IGFN1: variants seen among roughly 807,000 people sequenced by gnomAD.
IGFN1 encodes immunoglobulin like and fibronectin type III domain containing 1, also known as immunoglobulin-like and fibronectin type III domain-containing protein 1.
A neutral mutation model predicts 289.5 loss-of-function variants in IGFN1; 253 were observed. The observed-to-expected ratio is 0.87, with a 90% CI of 0.79 to 0.97. The LOEUF (loss-of-function observed/expected upper bound fraction) is 0.97. IGFN1 is among the 50% of genes least tolerant of loss of function. The pLI, the probability that IGFN1 is intolerant of heterozygous loss-of-function variation, is 0.00. For synonymous variants in IGFN1, 1,706 were observed against 1,788.5 expected, an observed-to-expected ratio of 0.95 and a Z score of 1.16; for missense variants, 4,470 against 4,686.1, an observed-to-expected ratio of 0.95 and a Z score of 1.35.
In IGFN1 at chr1:201,224,868, G is replaced by A; in HGVS notation, c.10480G>A (p.Val3494Met). 6.2e-7 allele frequency: 1 copy of A among 1,612,564 alleles called. No homozygotes were observed. ...GGTTGCCCACAGCTTCCGTATCAGGGTGGCAGGTGAGGCAGGCCTTGCTCT... is the reference window on the plus strand; with the variant it reads ...GGTTGCCCACAGCTTCCGTATCAGGATGGCAGGTGAGGCAGGCCTTGCTCT... The part of the protein sequence containing the change: ...KEVAHSFRIR[V>M]AACPQAPGPI... Residue 3494 changes from valine to methionine, a missense_variant, in exon 21 of 24, where the codon GTG (valine) becomes ATG (methionine). By Grantham distance (21) the Val-to-Met change is conservative. This residue lies in a region of IGFN1 where 2,218 missense variants were observed against 2,114.1 expected (regional missense o/e 1.05). Coordinates refer to ENST00000335211, the MANE Select transcript of IGFN1 (RefSeq NM_001164586.2).
chr1:201,227,390 C>T (rs551229332), intron 23 of IGFN1, among the ~76,000 whole-genome samples, 182 bp downstream of exon 23: 6 of 151,262 alleles, frequency 4.0e-5, no homozygotes, highest in African/African-American at 1.2e-4. Flanking sequence ...CACATGTGGT[C>T]TTTATTTGCC....
intron 7 of IGFN1, 117 bp from the exon 8 acceptor site, chr1:201,200,120 C>T (rs551781728): frequency 2.7e-5 from 21 of 776,872 alleles, no homozygotes; most frequent in Middle Eastern, 6.8e-4. Context: ...CCAGGCTCTG[C>T]GTTTCCTCGA....
intron 9 of IGFN1, among the ~76,000 whole-genome samples, chr1:201,202,320 A>G (rs1042944142): frequency 6.6e-6 from 1 of 152,204 alleles, no homozygotes; most frequent in Non-Finnish European, 1.5e-5. Context: ...CAAGATACTT[A>G]TCTTCCCCAT....
In IGFN1 at chr1:201,212,577, G is replaced by C. The variant is rs1433223594; in HGVS notation, c.7684G>C (p.Asp2562His). ...DIWKAGPGMT[D>H]RGRVAGQGGL... Reference sequence around the variant, plus strand: ...CTGGAAAGCAGGCCCAGGAATGACAGACAGGGGTAGAGTTGCTGGCCAGGG... The same window carrying C: ...CTGGAAAGCAGGCCCAGGAATGACACACAGGGGTAGAGTTGCTGGCCAGGG... Residue 2562 changes from aspartate (D) to histidine (H), a missense_variant, in exon 12 of 24, where the codon GAC (aspartate) becomes CAC (histidine). Asp to His is a moderately conservative substitution (Grantham distance 81). Around this residue, in one of 8 missense-constraint regions of IGFN1, gnomAD observed 2,218 missense variants for 2,114.1 expected, o/e 1.05. Transcript: ENST00000335211. 1 of 1,549,820 alleles carries C rather than the reference G, an allele frequency of 6.5e-7. No individual in the cohort carries two copies. Among genetic ancestry groups the C allele is most frequent in the East Asian group, 2.4e-5 (1 of 40,928 alleles).
Position 201,209,227 on chromosome 1 carries a change from G to T in IGFN1, c.4334G>T (p.Gly1445Val). 1 of 1,487,194 alleles carries T rather than the reference G, an allele frequency of 6.7e-7. No individual in the cohort carries two copies. The highest frequency in any genetic ancestry group is 8.9e-7 in the Non-Finnish European group (1 of 1,128,376). The allele number at this position is 1,487,194 out of a possible 1,614,324, so 92.1% of individuals were successfully genotyped here. A position where few individuals can be genotyped will look rare whatever the true frequency, so the allele number is the denominator to read the frequency against. The change falls in exon 12 of 24, where the codon GGC becomes GTC. Residue 1445 changes from glycine (G) to valine (V), a missense_variant. By Grantham distance (109) the Gly-to-Val change is moderately radical. This residue lies in a region of IGFN1 where 2,011 missense variants were observed against 1,953.4 expected (regional missense o/e 1.03). Transcript: ENST00000335211. The stretch of plus-strand genomic sequence containing the variant: ...GGGAGCAAGGCAGGTTATAGGGATG[G>T]CTTAAGGGGTTCTGGAGAAATGAGG... ...GTGSKAGYRDGLRGSGEMRSM... is the reference protein window; with the variant it reads ...GTGSKAGYRDVLRGSGEMRSM...
At chr1:201,202,751 CCCTT>C (rs1171116818) in intron 9 of IGFN1, among the ~76,000 whole-genome samples, 487 of 38,946 alleles carry the variant, frequency 0.013, 5 homozygotes, top group Middle Eastern at 0.054. Flanking sequence ...CTCCCTCCCT[CCCTT>C]CCTTCCTTCC....
In IGFN1 at chr1:201,215,684, G is replaced by A. The variant is rs376346941; in HGVS notation, c.9141G>A (p.Val3047=). 1.2e-5 allele frequency: 20 copies of A among 1,613,770 alleles called. No homozygotes were observed. The African/African-American group carries it at 2.5e-4, about 20-fold the overall frequency. ...GGAGGAAGGACGGGGCTGAGGTGGT[G>A]GGCAGCAGTGACAGGGAGGCCCAGG... ...AAWRKDGAEV[V]GSSDREAQVD... is the part of the protein sequence containing the mutation. The change falls in exon 15 of 24, where the codon GTG becomes GTA. Residue 3047 remains valine, a synonymous_variant. Transcript: ENST00000335211.
chr1:201,205,154 G>T lies in IGFN1; in HGVS notation c.989G>T (p.Cys330Phe), dbSNP rs1489714090. ...CEEQGDAVFE[C>F]TLSSPCPSAA... is the part of the protein sequence containing the mutation. The stretch of plus-strand genomic sequence containing the variant: ...GAGCAGGGTGACGCAGTCTTTGAAT[G>T]TACCCTCTCCAGCCCCTGCCCTAGT... The change falls in exon 11 of 24, where the codon TGT becomes TTT. Residue 330 changes from cysteine (C) to phenylalanine (F), a missense_variant. Cys to Phe is a radical substitution (Grantham distance 205). Coordinates refer to ENST00000335211, the MANE Select transcript of IGFN1 (RefSeq NM_001164586.2). 3.9e-6 allele frequency: 6 copies of T among 1,551,080 alleles called. No individual in the cohort carries two copies. The highest frequency in any genetic ancestry group is 5.2e-6 in the Non-Finnish European group (6 of 1,146,986).
chr1:201,204,024 A>G, intron 10 of IGFN1, 118 bp downstream of exon 10: 1 of 943,004 alleles, frequency 1.1e-6, no homozygotes, highest in Non-Finnish European at 1.6e-6. Flanking sequence ...GCAAAAGACA[A>G]TTGGGAGAGG....
Position 201,211,258 on chromosome 1 carries a change from C to A in IGFN1, c.6365C>A (p.Ala2122Glu), listed in dbSNP as rs938277268. ...GAGGGAATAGGTTCAGGAAGTAAGG[C>A]AGGTTTTAGGGATGGTTTAGGGAGT... ...APEGIGSGSK[A>E]GFRDGLGSST... The change falls in exon 12 of 24, where the codon GCA (alanine) becomes GAA (glutamate). Residue 2122 changes from alanine (A) to glutamate (E), a missense_variant. Ala to Glu is a moderately radical substitution (Grantham distance 107, BLOSUM62 -1). Transcript: ENST00000335211. 1 of 1,528,190 alleles carries A rather than the reference C, an allele frequency of 6.5e-7. No homozygotes were observed. The highest frequency in any genetic ancestry group is 1.2e-5 in the South Asian group (1 of 83,536). The allele number at this position is 1,528,190 out of a possible 1,614,324, so 94.7% of individuals were successfully genotyped here.
chr1:201,209,240 TG>T lies in IGFN1; in HGVS notation c.4349del (p.Gly1450GlufsTer3). The T allele has an allele frequency of 6.7e-7, 1 of 1,483,926 alleles. No individual in the cohort carries two copies. The highest frequency in any genetic ancestry group is 8.9e-7 in the Non-Finnish European group (1 of 1,127,832). The allele number at this position is 1,483,926 out of a possible 1,614,324, so 91.9% of individuals were successfully genotyped here. A position where few individuals can be genotyped will look rare whatever the true frequency, so the allele number is the denominator to read the frequency against. ...GTTATAGGGATGGCTTAAGGGGTTC[TG>T]GAGAAATGAGGTCAATGGATGAGGC... Reference protein sequence around the residue: ...AGYRDGLRGSGEMRSMDEAGY... With the variant: ...AGYRDGLRGSXEMRSMDEAGY... On this transcript the variant is annotated frameshift_variant, in exon 12 of 24. Transcript: ENST00000335211. LOFTEE classifies it high-confidence loss of function.
At chr1:201,192,168 C>T (rs1430125229) in intron 1 of IGFN1, among the ~76,000 whole-genome samples, 1 of 151,990 alleles carries the variant, frequency 6.6e-6, no homozygotes, top group South Asian at 2.1e-4. Flanking sequence ...TAGGGTGCAG[C>T]GGCTGGGCTG....
At position 201,210,837 on chromosome 1, in the gene IGFN1, G is replaced by T; in HGVS notation, c.5944G>T (p.Asp1982Tyr). ...MGSGSKEGFRDGLGGSEEMGS... is the reference protein window; with the variant it reads ...MGSGSKEGFRYGLGGSEEMGS... ...TTCAGGGAGTAAGGAAGGTTTCAGGGATGGTTTAGGGGGTTCTGAGGAAAT... is the reference window on the plus strand; with the variant it reads ...TTCAGGGAGTAAGGAAGGTTTCAGGTATGGTTTAGGGGGTTCTGAGGAAAT... The change falls in exon 12 of 24, where the codon GAT (aspartate) becomes TAT (tyrosine). Residue 1982 changes from aspartate to tyrosine, a missense_variant. Coordinates refer to ENST00000335211, the MANE Select transcript of IGFN1 (RefSeq NM_001164586.2). 1.3e-6 allele frequency: 2 copies of T among 1,535,004 alleles called. No homozygotes were observed. Among genetic ancestry groups the T allele is most frequent in the African/African-American group, 2.8e-5 (2 of 72,318 alleles).
chr1:201,200,389 A>T lies in IGFN1; in HGVS notation c.611A>T (p.Glu204Val), dbSNP rs1667100447. The change falls in exon 8 of 24, where the codon GAA (glutamate) becomes GTA (valine). Residue 204 changes from glutamate (E) to valine (V), a missense_variant. Transcript: ENST00000335211. ...MLRRLQEMKK[E>V]QEDKMAQYIN... ...CGCAGGCTGCAGGAGATGAAGAAGG[A>T]ACAGGAGGACAAGATGGCACAGGTG... 12 of 1,551,590 alleles carry T rather than the reference A, an allele frequency of 7.7e-6. No individual in the cohort carries two copies. The highest frequency in any genetic ancestry group is 1.0e-5 in the Non-Finnish European group (12 of 1,147,002).
intron 9 of IGFN1, among the ~76,000 whole-genome samples, chr1:201,203,192 G>A (rs1432454735): frequency 6.6e-6 from 1 of 152,234 alleles, no homozygotes; most frequent in Non-Finnish European, 1.5e-5. Context: ...ACCTGAAACA[G>A]TGCCTGGCAC....
chr1:201,224,187 C>G (rs962511279), intron 20 of IGFN1, among the ~76,000 whole-genome samples: 1 of 152,180 alleles, frequency 6.6e-6, no homozygotes, highest in Non-Finnish European at 1.5e-5. Flanking sequence ...CAGTTCAAGG[C>G]CAGGACACCG....
At chr1:201,202,971 G>A (rs552295466) in intron 9 of IGFN1, among the ~76,000 whole-genome samples, 1 of 152,086 alleles carries the variant, frequency 6.6e-6, no homozygotes, top group African/African-American at 2.4e-5. Flanking sequence ...TGGCCAGCTG[G>A]TCTTGAACTC....
At chr1:201,199,917 C>T (rs574882503) in intron 7 of IGFN1, among the ~76,000 whole-genome samples, 37 of 150,720 alleles carry the variant, frequency 2.5e-4, no homozygotes, top group Middle Eastern at 6.8e-3. Context: ...TGGTGGTCCA[C>T]CAGAACAATG....
In IGFN1 at chr1:201,211,158, A is replaced by C; in HGVS notation, c.6265A>C (p.Arg2089=). The C allele has an allele frequency of 1.3e-6, 2 of 1,530,286 alleles. No homozygotes were observed. Among genetic ancestry groups the C allele is most frequent in the Admixed American group, 4.0e-5 (2 of 50,554 alleles). 94.8% of individuals were successfully genotyped at this position (1,530,286 alleles called of 1,614,324 possible). Residue 2089 remains arginine, a synonymous_variant, in exon 12 of 24, where the codon AGG becomes CGG. Coordinates refer to ENST00000335211, the MANE Select transcript of IGFN1 (RefSeq NM_001164586.2). ...GGGTTCAGGGAGTAAGACAGGTTTC[A>C]GGGATGGTTTAGGGGGTTCTGAAGA... ...GMGSGSKTGF[R]DGLGGSEEME...
Sources: allele counts gnomAD v4.1 joint callset (sites outside exome capture counted in the v4.1 genomes callset), GRCh38; gene constraint gnomAD v4.1.1; regional missense constraint gnomAD v4.1.1; transcripts MANE v1.5; gene names NCBI Gene and HGNC (gene_info 2026-07-23, HGNC 2026-07-21).